Variants in ABTB2 observed in about 807,000 individuals in gnomAD.
ABTB2 encodes ankyrin repeat and BTB/POZ domain-containing protein 2.
ABTB2 carries 56 observed loss-of-function variants against 104.1 expected under a neutral mutation model. The ratio of observed to expected loss-of-function variants is 0.54; its 90% CI spans 0.43 to 0.67. ABTB2 has a LOEUF of 0.67. Among genes scored for constraint, ABTB2 ranks in the 30% least tolerant of loss-of-function variants. The probability of loss-of-function intolerance (pLI) is 0.00; values close to 1 mark genes in which losing one functional copy is unlikely to be tolerated. For missense variants in ABTB2, 1,279 were observed against 1,407.7 expected, an observed-to-expected ratio of 0.91 and a Z score of 1.46; for synonymous variants, 606 against 608.2, an observed-to-expected ratio of 1.00 and a Z score of 0.05.
At chr11:34,263,008 G>C (rs1854207284) in intron 1 of ABTB2, among the ~76,000 whole-genome samples, 1 of 152,182 alleles carries the variant, frequency 6.6e-6, no homozygotes, top group Non-Finnish European at 1.5e-5. Context: ...ATGGGCCCCA[G>C]ATTTGTTTTG....
intron 1 of ABTB2, among the ~76,000 whole-genome samples, chr11:34,235,143 G>T (rs887222907): frequency 2.6e-5 from 4 of 152,174 alleles, no homozygotes; most frequent in African/African-American, 9.7e-5. Flanking sequence ...TTACAGGCGT[G>T]AGCCACCGTG....
intron 1 of ABTB2, among the ~76,000 whole-genome samples, chr11:34,270,413 C>T (rs982904599): frequency 6.7e-6 from 1 of 150,254 alleles, no homozygotes; most frequent in Non-Finnish European, 1.5e-5. Context: ...GATCTCGGCT[C>T]GCTGCAACCT....
intron 1 of ABTB2, among the ~76,000 whole-genome samples, chr11:34,224,668 T>G (rs1853665201): frequency 6.6e-6 from 1 of 152,078 alleles, no homozygotes; most frequent in Non-Finnish European, 1.5e-5. Context: ...GTCTGCACAG[T>G]GGAAATAGCA....
Position 34,306,932 on chromosome 11 carries a change from A to G in ABTB2, c.883+49769T>C, listed in dbSNP as rs1036031122. On this transcript the variant is annotated intron_variant, in intron 1 of 16. Coordinates refer to ENST00000435224, the MANE Select transcript of ABTB2 (RefSeq NM_145804.3). ...TGGACTGAAGTGAAGCTTGCTTACT[A>G]GTTTTCCAGCCATAGCAAGCAATGA... is the stretch of plus-strand genomic sequence containing the variant. Among the ~76,000 whole-genome samples the G allele has an allele frequency of 4.8e-5, 7 of 145,880 alleles. No individual in the cohort carries two copies. In the Admixed American group the frequency reaches 4.8e-4, roughly 10 times the overall value.
chr11:34,293,058 G>C (rs1367804696), intron 1 of ABTB2, among the ~76,000 whole-genome samples: 2 of 152,178 alleles, frequency 1.3e-5, no homozygotes, highest in African/African-American at 2.4e-5. Flanking sequence ...GGAAGAGTGA[G>C]GGCTGTGCCT....
At position 34,165,242 on chromosome 11, in the gene ABTB2, C is replaced by T. The variant is rs192045274; in HGVS notation, c.1852+18G>A. On this transcript the variant is annotated intron_variant, in intron 8 of 16. Coordinates refer to ENST00000435224, the MANE Select transcript of ABTB2 (RefSeq NM_145804.3). ...TGCAGGGAAGGGTAGACAGAGCCTC[C>T]GGGTAGCAGGTGCCTACCTGCCGCA... 1.8e-4 allele frequency: 277 copies of T among 1,538,132 alleles called. 2 individuals are homozygous for T. The African/African-American group carries it at 2.5e-3, about 14-fold the overall frequency.
At chr11:34,191,809 T>G (rs1853180046) in intron 3 of ABTB2, among the ~76,000 whole-genome samples, 1 of 152,178 alleles carries the variant, frequency 6.6e-6, no homozygotes, top group African/African-American at 2.4e-5. Context: ...TCCGCCCACT[T>G]CTGTGCTCCA....
chr11:34,279,464 G>C (rs1410754657), intron 1 of ABTB2, among the ~76,000 whole-genome samples: 1 of 152,176 alleles, frequency 6.6e-6, no homozygotes, highest in African/African-American at 2.4e-5. Context: ...CCATTATACA[G>C]ATGAGGAAAT....
At chr11:34,309,967 T>G (rs1854829892) in intron 1 of ABTB2, among the ~76,000 whole-genome samples, 2 of 152,228 alleles carry the variant, frequency 1.3e-5, no homozygotes, top group Non-Finnish European at 2.9e-5. Context: ...TGTATTAACT[T>G]CAGGTGTCAG....
intron 3 of ABTB2, among the ~76,000 whole-genome samples, chr11:34,191,818 C>T (rs116143849): frequency 8.3e-4 from 126 of 152,348 alleles, no homozygotes; most frequent in African/African-American, 2.7e-3. Context: ...TTCTGTGCTC[C>T]ATCCTGCACA....
intron 5 of ABTB2, among the ~76,000 whole-genome samples, 178 bp downstream of exon 5, chr11:34,170,728 G>A (rs1319930090): frequency 6.6e-6 from 1 of 152,230 alleles, no homozygotes; most frequent in Non-Finnish European, 1.5e-5. Context: ...GATACTAGAA[G>A]TCTCCAAGCT....
chr11:34,172,479 T>C (rs1352223627), intron 4 of ABTB2, among the ~76,000 whole-genome samples: 3 of 147,316 alleles, frequency 2.0e-5, no homozygotes, highest in Non-Finnish European at 4.5e-5. Context: ...GATAGATAGA[T>C]AGATAAAAGG....
chr11:34,287,496 C>T (rs1171027803), intron 1 of ABTB2, among the ~76,000 whole-genome samples: 6 of 152,150 alleles, frequency 3.9e-5, no homozygotes, highest in African/African-American at 9.7e-5. Context: ...CTGTAGTGAG[C>T]TAAGAGCACA....
In ABTB2 at chr11:34,167,405, G is replaced by A. The variant is rs143966619; in HGVS notation, c.1654-45C>T. On this transcript the variant is annotated intron_variant, in intron 6 of 16. Coordinates refer to ENST00000435224, the MANE Select transcript of ABTB2 (RefSeq NM_145804.3). ...ATCTGTGTTTTCTGGGCACCCGAGC[G>A]AAGGGAGTACCCTGCAGGGATGGTG... is the stretch of plus-strand genomic sequence containing the variant. 372 of 1,512,642 alleles carry A rather than the reference G, an allele frequency of 2.5e-4. 2 individuals carry two copies. The East Asian group carries it at 4.1e-3, about 17-fold the overall frequency. The allele number at this position is 1,512,642 out of a possible 1,614,324, so 93.7% of individuals were successfully genotyped here.
At chr11:34,320,715 T>C (rs1011993067) in intron 1 of ABTB2, among the ~76,000 whole-genome samples, 1 of 152,154 alleles carries the variant, frequency 6.6e-6, no homozygotes, top group Non-Finnish European at 1.5e-5. Context: ...CTCTAGAACA[T>C]ACCAGACTAA....
At chr11:34,346,169 C>A (rs1855329298) in intron 1 of ABTB2, among the ~76,000 whole-genome samples, 1 of 152,252 alleles carries the variant, frequency 6.6e-6, no homozygotes, top group African/African-American at 2.4e-5. Flanking sequence ...TGGCAACAAA[C>A]AGCATTTAAA....
At chr11:34,270,340 C>CTTTT (rs35884906) in intron 1 of ABTB2, among the ~76,000 whole-genome samples, 1 of 137,420 alleles carries the variant, frequency 7.3e-6, no homozygotes, top group Admixed American at 7.4e-5. Flanking sequence ...GACGGTTTTC[C>CTTTT]TTTTTTTTTT....
At chr11:34,265,661 GAAAAA>G (rs1233763258) in intron 1 of ABTB2, among the ~76,000 whole-genome samples, 3 of 25,654 alleles carry the variant, frequency 1.2e-4, no homozygotes, top group Non-Finnish European at 2.7e-4. Flanking sequence ...TCTGTCTCAA[GAAAAA>G]AAAAAAAAAA....
chr11:34,181,261 C>CA (rs869289831), intron 3 of ABTB2, among the ~76,000 whole-genome samples: 9 of 54,452 alleles, frequency 1.7e-4, no homozygotes, highest in Non-Finnish European at 1.7e-4. Context: ...AACAAACAAA[C>CA]AAAAAAAACA....
Sources: allele counts gnomAD v4.1 joint callset (sites outside exome capture counted in the v4.1 genomes callset), GRCh38; gene constraint gnomAD v4.1.1; transcripts MANE v1.5; gene names NCBI Gene and HGNC (gene_info 2026-07-23, HGNC 2026-07-21).